The following RRM2 variants were observed in gnomAD, a reference collection of about 807,000 sequenced individuals.
RRM2 encodes the protein ribonucleotide reductase regulatory subunit M2, also known as ribonucleoside-diphosphate reductase subunit M2.
Under a neutral mutation model 45.9 loss-of-function variants are expected in RRM2, and 6 were observed. The ratio of observed to expected loss-of-function variants is 0.13; its 90% CI spans 0.07 to 0.26. The LOEUF (loss-of-function observed/expected upper bound fraction) is 0.26. Among genes scored for constraint, RRM2 ranks in the 10% least tolerant of loss-of-function variants. The pLI is 1.00. For missense variants in RRM2, 343 were observed against 489.5 expected, an observed-to-expected ratio of 0.70 and a Z score of 2.82; for synonymous variants, 177 against 173.0, an observed-to-expected ratio of 1.02 and a Z score of -0.18.
intron 3 of RRM2, among the ~76,000 whole-genome samples, chr2:10,183,113 G>A (rs1270356316): frequency 3.9e-5 from 6 of 152,214 alleles, no homozygotes; most frequent in Admixed American, 2.0e-4. Context: ...CGAGACTGCA[G>A]CGAACTATGA....
intron 3 of RRM2, among the ~76,000 whole-genome samples, chr2:10,143,608 A>T (rs1205539514): frequency 6.6e-6 from 1 of 151,704 alleles, no homozygotes; most frequent in African/African-American, 2.4e-5. Flanking sequence ...GGCCTGGTTG[A>T]GATCATGACT....
chr2:10,142,398 A>G, intron 3 of RRM2: 2 of 1,368,648 alleles, frequency 1.5e-6, no homozygotes, highest in Non-Finnish European at 2.0e-6. Context: ...GGCAACTCGC[A>G]CGGTGGGGGA....
chr2:10,172,926 C>T lies in RRM2; in HGVS notation n.482+30551C>T, dbSNP rs903886883. Reference sequence around the variant, plus strand: ...GTCCCGGGGAACAGTGGCAAATCAGCACTCAGGAAATATCTGTTGAATGGA... The same window carrying T: ...GTCCCGGGGAACAGTGGCAAATCAGTACTCAGGAAATATCTGTTGAATGGA... On this transcript the variant is annotated intron_variant and non_coding_transcript_variant, in intron 3 of 3. Transcript: ENST00000381786. The surrounding 1 kb of genome is among the most constrained non-coding windows in gnomAD (Gnocchi z 4.9). Among the ~76,000 whole-genome samples, 3 of 152,188 alleles carry T rather than the reference C, an allele frequency of 2.0e-5. No individual in the cohort carries two copies. The highest frequency in any genetic ancestry group is 4.4e-5 in the Non-Finnish European group (3 of 68,038).
At position 10,171,079 on chromosome 2, in the gene RRM2, C is replaced by T. The variant is rs564086687; in HGVS notation, n.482+28704C>T. Among the ~76,000 whole-genome samples the T allele has an allele frequency of 4.6e-5, 7 of 152,144 alleles. No individual in the cohort carries two copies. Among genetic ancestry groups the T allele is most frequent in the Admixed American group, 1.3e-4 (2 of 15,280 alleles). On this transcript the variant is annotated intron_variant and non_coding_transcript_variant, in intron 3 of 3. Coordinates refer to the RRM2 transcript ENST00000381786. The surrounding 1 kb of genome is among the most constrained non-coding windows in gnomAD (Gnocchi z 4.1). Reference sequence around the variant, plus strand: ...CACTGAGCAGACCCAGCACAGGCTGCGCCACTCATCATTATAGGCTGCGCC... The same window carrying T: ...CACTGAGCAGACCCAGCACAGGCTGTGCCACTCATCATTATAGGCTGCGCC...
In RRM2 at chr2:10,171,087, ATCATTATAGGCTGCGCCAC is replaced by A. The variant is rs1663795256; in HGVS notation, n.482+28728_482+28746del. On this transcript the variant is annotated intron_variant and non_coding_transcript_variant, in intron 3 of 3. Coordinates refer to the RRM2 transcript ENST00000381786. The surrounding 1 kb of genome is among the most constrained non-coding windows in gnomAD (Gnocchi z 4.1). ...AGACCCAGCACAGGCTGCGCCACTC[ATCATTATAGGCTGCGCCAC>A]TCATTATAGGCTGCGGGGCCTGCAC... 1.3e-5 allele frequency among the ~76,000 whole-genome samples: 2 copies of A among 152,084 alleles called. No individual in the cohort carries two copies.
Position 10,204,600 on chromosome 2 carries a change from C to T in RRM2, n.483-5711C>T, listed in dbSNP as rs10184516. On this transcript the variant is annotated intron_variant and non_coding_transcript_variant, in intron 3 of 3. Transcript: ENST00000381786. This position sits in a 1 kb window ranked among gnomAD's most constrained non-coding sequence, Gnocchi z 4.0. ...GTGCGGTTTGCTCTCAGAGGAGCAG[C>T]TAGCTGGGAGCATCCGAGGCCATTA... Among the ~76,000 whole-genome samples the T allele has an allele frequency of 0.34, 51,178 of 152,142 alleles. 8,874 individuals carry two copies. The highest frequency in any genetic ancestry group is 0.56 in the East Asian group (2,901 of 5,170).
At chr2:10,188,486 C>A (rs558808136) in intron 3 of RRM2, among the ~76,000 whole-genome samples, 1 of 152,304 alleles carries the variant, frequency 6.6e-6, no homozygotes, top group African/African-American at 2.4e-5. Context: ...GACACCAGTC[C>A]TACTGGATTA....
chr2:10,129,125 A>G lies in RRM2; in HGVS notation c.988A>G (p.Arg330Gly). 6.2e-7 allele frequency: 1 copy of G among 1,614,236 alleles called. No homozygotes were observed. The highest frequency in any genetic ancestry group is 1.1e-5 in the South Asian group (1 of 91,084). Residue 330 changes from arginine (R) to glycine (G), a missense_variant, in exon 9 of 10, where the codon AGA (arginine) becomes GGA (glycine). Around this residue, in one of 2 missense-constraint regions of RRM2, gnomAD observed 212 missense variants for 368.1 expected, o/e 0.58. Transcript: ENST00000304567. This position sits in a 1 kb window ranked among gnomAD's most constrained non-coding sequence, Gnocchi z 4.8. ...GCAATACATTGAGTTTGTGGCAGACAGACTTATGCTGGAACTGGGTTTTAG... is the reference window on the plus strand; with the variant it reads ...GCAATACATTGAGTTTGTGGCAGACGGACTTATGCTGGAACTGGGTTTTAG... Reference protein sequence around the residue: ...MKQYIEFVADRLMLELGFSKV... With the variant: ...MKQYIEFVADGLMLELGFSKV...
downstream of RRM2, among the ~76,000 whole-genome samples, chr2:10,133,801 G>C (rs1662943444): frequency 6.6e-6 from 1 of 151,690 alleles, no homozygotes; most frequent in Non-Finnish European, 1.5e-5. Context: ...CTAGAGACTG[G>C]AGTGGCTCCA....
At chr2:10,135,722 T>C (rs1292047767), downstream of RRM2, among the ~76,000 whole-genome samples, 2 of 152,058 alleles carry the variant, frequency 1.3e-5, no homozygotes, top group Non-Finnish European at 2.9e-5. Flanking sequence ...GTGTAAACAA[T>C]TACTATAGGA....
intron 5 of RRM2, 36 bp from the exon 6 acceptor site, chr2:10,126,839 A>G: frequency 6.5e-7 from 1 of 1,533,860 alleles, no homozygotes; most frequent in African/African-American, 1.4e-5. Flanking sequence ...CTTTTACTGT[A>G]ATGCTTCAAT....
intron 3 of RRM2, chr2:10,156,361 TAC>T (rs1663427427): frequency 6.6e-6 from 1 of 152,226 alleles, no homozygotes; most frequent in Non-Finnish European, 1.5e-5. Flanking sequence ...CAGAGATATG[TAC>T]AGTCTTAAAG....
chr2:10,168,850 C>T (rs1346822882), intron 3 of RRM2, among the ~76,000 whole-genome samples: 1 of 149,700 alleles, frequency 6.7e-6, no homozygotes, highest in Non-Finnish European at 1.5e-5. Flanking sequence ...TGCAACTGTA[C>T]CATGGACTCC....
chr2:10,202,902 G>A (rs767088215), intron 3 of RRM2, among the ~76,000 whole-genome samples: 8 of 151,764 alleles, frequency 5.3e-5, no homozygotes, highest in Non-Finnish European at 1.0e-4. Context: ...CCAGCCGTTG[G>A]CCCGTTTTCT....
intron 3 of RRM2, chr2:10,156,079 C>G (rs1474256329): frequency 6.6e-6 from 1 of 152,290 alleles, no homozygotes; most frequent in Non-Finnish European, 1.5e-5. Flanking sequence ...CAGTAAGCCC[C>G]TCTAGACCTT....
rs1489696420 is a variant in RRM2 at position 10,122,971 on chromosome 2, G to T, written c.100-12G>T. On this transcript the variant is annotated splice_polypyrimidine_tract_variant and intron_variant, in intron 1 of 9. Coordinates refer to ENST00000304567, the MANE Select transcript of RRM2 (RefSeq NM_001034.4). ...GCGAAGCCGCTCCTCACTCACACGC[G>T]TCTCCCCGCAGCCGCCGGCCCTGAG... is the stretch of plus-strand genomic sequence containing the variant. The T allele has an allele frequency of 3.9e-6, 6 of 1,548,728 alleles. No homozygotes were observed. Among genetic ancestry groups the T allele is most frequent in the Non-Finnish European group, 4.3e-6 (5 of 1,151,882 alleles).
At chr2:10,123,124 T>C (rs1662701087) in intron 2 of RRM2, 67 bp downstream of exon 2, 1 of 1,489,698 alleles carries the variant, frequency 6.7e-7, no homozygotes, top group South Asian at 1.2e-5. Context: ...AAAGCCGCAT[T>C]GTTTCCTCAG....
At chr2:10,181,766 T>G (rs1664053662) in intron 3 of RRM2, among the ~76,000 whole-genome samples, 1 of 96,326 alleles carries the variant, frequency 1.0e-5, no homozygotes, top group East Asian at 4.3e-4. Context: ...TTTTTTTTTT[T>G]TTTTTTTTTT....
upstream of RRM2, among the ~76,000 whole-genome samples, chr2:10,140,798 T>TC (rs1206218477): frequency 6.6e-6 from 1 of 152,160 alleles, no homozygotes; most frequent in African/African-American, 2.4e-5. Flanking sequence ...GAGCAGTTTT[T>TC]CTTTCTATTC....
Sources: gnomAD v4.1 joint callset for allele counts (sites outside exome capture counted in the v4.1 genomes callset) on GRCh38, gnomAD v4.1.1 for gene constraint, gnomAD v4.1.1 regional missense constraint, Gnocchi (gnomAD v3.1) non-coding constraint, MANE v1.5 for transcripts, NCBI Gene and HGNC (gene_info 2026-07-23, HGNC 2026-07-21) for gene names.